LRRC4B: variants seen among roughly 807,000 people sequenced by gnomAD.
The protein encoded by LRRC4B is leucine-rich repeat-containing protein 4B.
LRRC4B carries 1 observed loss-of-function variant against 7.3 expected under a neutral mutation model. The ratio of observed to expected loss-of-function variants is 0.14; its 90% CI spans 0.05 to 0.65. The LOEUF is 0.65. Among genes scored for constraint, LRRC4B ranks in the 30% least tolerant of loss-of-function variants. The pLI is 0.84. For synonymous variants in LRRC4B, 500 were observed against 499.2 expected, an observed-to-expected ratio of 1.00 and a Z score of -0.02; for missense variants, 730 against 1,041.6, an observed-to-expected ratio of 0.70 and a Z score of 4.12.
chr19:50,554,485 G>C (rs1487049707), intron 1 of LRRC4B, among the ~76,000 whole-genome samples: 1 of 152,138 alleles, frequency 6.6e-6, no homozygotes, highest in Non-Finnish European at 1.5e-5. Flanking sequence ...CCAAACCTCA[G>C]ATACCACCTG....
rs71182737 is a variant in LRRC4B at position 50,558,200 on chromosome 19, TAC to T, written c.-35-9329_-35-9328del. 1.8e-3 allele frequency among the ~76,000 whole-genome samples: 262 copies of T among 147,608 alleles called. 1 individual carries two copies. Among genetic ancestry groups the T allele is most frequent in the East Asian group, 5.3e-3 (26 of 4,916 alleles). ...GTTGGTCAGGGGTCAACTGTATACA[TAC>T]ACACACACACACACACACACACACA... is the stretch of plus-strand genomic sequence containing the variant. On this transcript the variant is annotated intron_variant, in intron 1 of 2. Transcript: ENST00000652263.
chr19:50,555,255 G>C lies in LRRC4B; in HGVS notation c.-35-6382C>G, dbSNP rs927077772. 3 of 152,466 alleles carry C rather than the reference G, an allele frequency of 2.0e-5. No individual in the cohort carries two copies. The highest frequency in any genetic ancestry group is 7.2e-5 in the African/African-American group (3 of 41,454). 9.4% of individuals were successfully genotyped at this position (152,466 alleles called of 1,614,324 possible). On this transcript the variant is annotated intron_variant, in intron 1 of 2. Transcript: ENST00000652263. The surrounding 1 kb of genome is among the most constrained non-coding windows in gnomAD (Gnocchi z 5.2). Reference sequence around the variant, plus strand: ...CAGAGGTGAGCGGCACTTGCCAAAGGTTACACAGCCCTCCAGCAGCACAGC... The same window carrying C: ...CAGAGGTGAGCGGCACTTGCCAAAGCTTACACAGCCCTCCAGCAGCACAGC...
At chr19:50,554,016 CAG>C (rs1348825588) in intron 1 of LRRC4B, among the ~76,000 whole-genome samples, 3 of 112,840 alleles carry the variant, frequency 2.7e-5, no homozygotes, top group East Asian at 4.8e-4. Context: ...TTTTTTGAGA[CAG>C]AGTCTCACTC....
rs370057584 is a variant in LRRC4B at position 50,517,592 on chromosome 19, G to A, written c.2121C>T (p.Asn707=). The part of the protein sequence containing the change: ...PLLFKSGSKE[N]VQETQI ...CGCCTCAGATCTGCGTCTCTTGCAC[G>A]TTCTCCTTGGAGCCGCTCTTGAAGA... Residue 707 remains asparagine (N), a synonymous_variant, in exon 3 of 3, where the codon AAC becomes AAT. Transcript: ENST00000652263. The surrounding 1 kb of genome is among the most constrained non-coding windows in gnomAD (Gnocchi z 6.6). The A allele has an allele frequency of 1.4e-6, 2 of 1,449,172 alleles. No individual in the cohort carries two copies. Among genetic ancestry groups the A allele is most frequent in the Non-Finnish European group, 1.8e-6 (2 of 1,100,512 alleles). The allele number at this position is 1,449,172 out of a possible 1,614,324, so 89.8% of individuals were successfully genotyped here. A position where few individuals can be genotyped will look rare whatever the true frequency, so the allele number is the denominator to read the frequency against.
chr19:50,518,438 G>T lies in LRRC4B; in HGVS notation c.1275C>A (p.Asn425Lys). The change falls in exon 3 of 3, where the codon AAC (asparagine) becomes AAA (lysine). Residue 425 changes from asparagine to lysine, a missense_variant. Around this residue, in one of 6 missense-constraint regions of LRRC4B, gnomAD observed 192 missense variants for 228.6 expected, o/e 0.84. Transcript: ENST00000652263. ...VLHDGTLNFT[N>K]VTVQDTGQYT... ...ACTGGCCCGTGTCCTGCACGGTGAC[G>T]TTGGTGAAGTTAAGCGTGCCGTCAT... is the stretch of plus-strand genomic sequence containing the variant. The T allele has an allele frequency of 6.4e-7, 1 of 1,552,900 alleles. No homozygotes were observed. The highest frequency in any genetic ancestry group is 2.3e-5 in the East Asian group (1 of 44,358).
At chr19:50,552,157 G>A (rs1015484737) in intron 1 of LRRC4B, among the ~76,000 whole-genome samples, 16 of 151,960 alleles carry the variant, frequency 1.1e-4, no homozygotes, top group Non-Finnish European at 1.5e-4. Context: ...CTGCATGACC[G>A]GGCTGGGCCA....
rs1000409930 is a variant in LRRC4B, at chr19:50,547,019, T to C, written c.297+1523A>G. On this transcript the variant is annotated intron_variant, in intron 2 of 2. Coordinates refer to ENST00000652263, the MANE Select transcript of LRRC4B (RefSeq NM_001080457.2). The stretch of plus-strand genomic sequence containing the variant: ...GCAGAGCCGGTGCTGCCGGTGTCTG[T>C]TGAACGTCACGTGTATAAGTGGGGG... Among the ~76,000 whole-genome samples the C allele has an allele frequency of 2.0e-5, 3 of 152,266 alleles. No homozygotes were observed. In the East Asian group the frequency reaches 5.8e-4, roughly 29 times the overall value.
intron 2 of LRRC4B, among the ~76,000 whole-genome samples, chr19:50,522,006 G>A (rs1480751150): frequency 6.6e-6 from 1 of 152,098 alleles, no homozygotes; most frequent in African/African-American, 2.4e-5. Flanking sequence ...CAAGACCCCT[G>A]TCTCTACAGA....
At chr19:50,535,915 A>C (rs1981261658) in intron 2 of LRRC4B, among the ~76,000 whole-genome samples, 1 of 152,164 alleles carries the variant, frequency 6.6e-6, no homozygotes, top group Non-Finnish European at 1.5e-5. Flanking sequence ...TGTAAACAAC[A>C]AGGGGATGAG....
intron 2 of LRRC4B, among the ~76,000 whole-genome samples, chr19:50,527,323 C>A (rs573419495): frequency 6.6e-6 from 1 of 150,428 alleles, no homozygotes; most frequent in Admixed American, 6.6e-5. Flanking sequence ...TGAGCCACCA[C>A]GCCCGGCTGT....
intron 2 of LRRC4B, among the ~76,000 whole-genome samples, chr19:50,524,392 C>T (rs564700299): frequency 2.0e-5 from 3 of 152,254 alleles, no homozygotes; most frequent in South Asian, 2.1e-4. Context: ...ACTACAGGCA[C>T]GTGCCAGCAC....
Position 50,567,998 on chromosome 19 carries a change from AC to A in LRRC4B, c.-91del, listed in dbSNP as rs547199715. On this transcript the variant is annotated 5_prime_UTR_variant, in exon 1 of 3. Coordinates refer to ENST00000652263, the MANE Select transcript of LRRC4B (RefSeq NM_001080457.2). ...AGCATGCCCGGCCCGTGGGGGGAGG[AC>A]CCCCCCAATGAGGCTCAGGAATTTG... The A allele has an allele frequency of 8.0e-3, 1,090 of 136,968 alleles. 9 individuals are homozygous for A. Among genetic ancestry groups the A allele is most frequent in the Middle Eastern group, 0.017 (4 of 240 alleles). The allele number at this position is 136,968 out of a possible 1,614,324, so 8.5% of individuals were successfully genotyped here.
chr19:50,544,291 A>G (rs575130211), intron 2 of LRRC4B, among the ~76,000 whole-genome samples: 18 of 151,910 alleles, frequency 1.2e-4, no homozygotes, highest in South Asian at 2.1e-4. Context: ...CAGATCACGA[A>G]GTCAGGAGAT....
chr19:50,550,711 GAGAA>G (rs1296240462), intron 1 of LRRC4B, among the ~76,000 whole-genome samples: 5 of 152,188 alleles, frequency 3.3e-5, no homozygotes, highest in Non-Finnish European at 7.3e-5. Context: ...GAGCTGGGGA[GAGAA>G]AGAGAGAGAG....
rs978903202 is a variant in LRRC4B at position 50,537,970 on chromosome 19, C to T, written c.297+10572G>A. On this transcript the variant is annotated intron_variant, in intron 2 of 2. Coordinates refer to ENST00000652263, the MANE Select transcript of LRRC4B (RefSeq NM_001080457.2). The surrounding 1 kb of genome is among the most constrained non-coding windows in gnomAD (Gnocchi z 5.5). ...CTCCTGGCTGCTGGTCGCAGGCCCG[C>T]GGCTGGGGAATGTCCCAGTTGACCT... 5.3e-5 allele frequency among the ~76,000 whole-genome samples: 8 copies of T among 152,206 alleles called. No individual in the cohort carries two copies. The highest frequency in any genetic ancestry group is 1.0e-4 in the Non-Finnish European group (7 of 68,034).
Position 50,548,937 on chromosome 19 carries a change from GC to G in LRRC4B, c.-35-65del. 3.4e-6 allele frequency: 3 copies of G among 888,332 alleles called. No homozygotes were observed. The highest frequency in any genetic ancestry group is 5.0e-6 in the Non-Finnish European group (3 of 602,980). 55.0% of individuals were successfully genotyped at this position (888,332 alleles called of 1,614,324 possible). A position where few individuals can be genotyped will look rare whatever the true frequency, so the allele number is the denominator to read the frequency against. On this transcript the variant is annotated intron_variant, in intron 1 of 2. Transcript: ENST00000652263. The surrounding 1 kb of genome is among the most constrained non-coding windows in gnomAD (Gnocchi z 6.8). ...GGACAGGAGCCCATGTGGCCTGGGT[GC>G]TTGCCAACACCCAGGCAGCCCCATC...
chr19:50,540,936 C>A (rs2122864802), intron 2 of LRRC4B, among the ~76,000 whole-genome samples: 1 of 152,008 alleles, frequency 6.6e-6, no homozygotes, highest in East Asian at 1.9e-4. Flanking sequence ...GTAATCCCAG[C>A]ACTTTGGGAG....
intron 2 of LRRC4B, among the ~76,000 whole-genome samples, chr19:50,530,917 T>C (rs1981026566): frequency 8.0e-6 from 1 of 125,102 alleles, no homozygotes. Flanking sequence ...TTTGTATTTT[T>C]AGTAGAAACC....
At position 50,548,810 on chromosome 19, in the gene LRRC4B, G is replaced by A; in HGVS notation, c.29C>T (p.Pro10Leu). ...GGACATCCTACCGGGCGGCAGCGGG[G>A]GGCACGGGGAGCCGCGGGCACGCGC... MARARGSPC[P>L]PLPPGRMSWP... The change falls in exon 2 of 3, where the codon CCC (proline) becomes CTC (leucine). Residue 10 changes from proline to leucine, a missense_variant. Physicochemically the swap from Pro to Leu is moderately conservative, Grantham distance 98. Around this residue, in one of 6 missense-constraint regions of LRRC4B, gnomAD observed 143 missense variants for 158.4 expected, o/e 0.90. Transcript: ENST00000652263. This position sits in a 1 kb window ranked among gnomAD's most constrained non-coding sequence, Gnocchi z 6.8. 1 of 1,507,032 alleles carries A rather than the reference G, an allele frequency of 6.6e-7. No individual in the cohort carries two copies. Among genetic ancestry groups the A allele is most frequent in the Non-Finnish European group, 8.8e-7 (1 of 1,132,688 alleles). The allele number at this position is 1,507,032 out of a possible 1,614,324, so 93.4% of individuals were successfully genotyped here. A position where few individuals can be genotyped will look rare whatever the true frequency, so the allele number is the denominator to read the frequency against.
Sources: gnomAD v4.1 joint callset for allele counts (sites outside exome capture counted in the v4.1 genomes callset) on GRCh38, gnomAD v4.1.1 for gene constraint, gnomAD v4.1.1 regional missense constraint, Gnocchi (gnomAD v3.1) non-coding constraint, MANE v1.5 for transcripts, NCBI Gene and HGNC (gene_info 2026-07-23, HGNC 2026-07-21) for gene names.